The following CDH18 variants were observed in gnomAD, a reference collection of about 807,000 sequenced individuals.
CDH18 encodes the protein cadherin-18.
CDH18 carries 31 observed loss-of-function variants against 67.9 expected under a neutral mutation model. The observed-to-expected ratio is 0.46, with a 90% CI of 0.34 to 0.62. The LOEUF is 0.62. Among genes scored for constraint, CDH18 ranks in the 20% least tolerant of loss-of-function variants. The pLI is 0.01. For synonymous variants in CDH18, 362 were observed against 347.2 expected (o/e 1.04, Z -0.48); for missense variants, 890 against 975.5 (o/e 0.91, Z 1.17).
chr5:19,904,656 C>T (rs575997477), intron 2 of CDH18, among the ~76,000 whole-genome samples: 4 of 152,262 alleles, frequency 2.6e-5, no homozygotes, highest in African/African-American at 4.8e-5. Context: ...TAAATGACTA[C>T]TATATTTGGT....
At chr5:19,651,273 T>C (rs895208257) in intron 5 of CDH18, among the ~76,000 whole-genome samples, 4 of 151,976 alleles carry the variant, frequency 2.6e-5, no homozygotes, top group African/African-American at 9.7e-5. Context: ...ATAAAATAAA[T>C]TTAAAAATTT....
At chr5:20,364,754 T>G (rs1562005760) in intron 1 of CDH18, among the ~76,000 whole-genome samples, 1 of 152,210 alleles carries the variant, frequency 6.6e-6, no homozygotes, top group Non-Finnish European at 1.5e-5. Context: ...GTATTAACAA[T>G]GCACATGCAT....
intron 5 of CDH18, among the ~76,000 whole-genome samples, chr5:19,701,498 G>C (rs550744042): frequency 2.6e-5 from 4 of 152,136 alleles, no homozygotes; most frequent in Non-Finnish European, 5.9e-5. Context: ...GAGGAATTTG[G>C]AGGTATTTAA....
chr5:19,878,660 G>T (rs568244809), intron 2 of CDH18, among the ~76,000 whole-genome samples: 31 of 151,764 alleles, frequency 2.0e-4, no homozygotes, highest in Non-Finnish European at 4.0e-4. Context: ...GTATCACAGA[G>T]GTTTATCTTA....
chr5:20,453,113 C>T (rs1750583553), intron 1 of CDH18, among the ~76,000 whole-genome samples: 1 of 152,206 alleles, frequency 6.6e-6, no homozygotes, highest in Non-Finnish European at 1.5e-5. Context: ...AGCACAGGGG[C>T]CCCTTGCTCA....
At chr5:19,910,688 A>G (rs771061742) in intron 2 of CDH18, among the ~76,000 whole-genome samples, 17 of 152,194 alleles carry the variant, frequency 1.1e-4, no homozygotes, top group Non-Finnish European at 2.2e-4. Flanking sequence ...AAGGCCATAC[A>G]TGATAATCAT....
chr5:20,452,754 C>A (rs1356970381), intron 1 of CDH18, among the ~76,000 whole-genome samples: 1 of 151,852 alleles, frequency 6.6e-6, no homozygotes, highest in African/African-American at 2.4e-5. Context: ...ACCCCTAAAC[C>A]TAAATTAAAA....
chr5:20,195,401 T>G (rs1471524333), intron 2 of CDH18, among the ~76,000 whole-genome samples: 2 of 152,066 alleles, frequency 1.3e-5, no homozygotes, highest in Non-Finnish European at 2.9e-5. Flanking sequence ...TGAATTTGAT[T>G]GTACGGTAAT....
chr5:20,463,302 GA>G (rs140023840), intron 1 of CDH18, among the ~76,000 whole-genome samples: 2,893 of 139,050 alleles, frequency 0.021, 33 homozygotes, highest in African/African-American at 0.025. Context: ...AGTAAAACAA[GA>G]AAAAAAAAAA....
chr5:20,330,378 CAGGT>C (rs1481010871), intron 1 of CDH18, among the ~76,000 whole-genome samples: 1 of 152,052 alleles, frequency 6.6e-6, no homozygotes, highest in Non-Finnish European at 1.5e-5. Flanking sequence ...AGGGGACCAT[CAGGT>C]GATGGTCAGG....
chr5:19,780,806 C>T (rs1453044176), intron 3 of CDH18, among the ~76,000 whole-genome samples: 1 of 151,942 alleles, frequency 6.6e-6, no homozygotes. Flanking sequence ...TTTAATAATG[C>T]CTCCTTACTT....
chr5:19,749,523 GT>G (rs1047952036), intron 3 of CDH18, among the ~76,000 whole-genome samples: 38 of 150,962 alleles, frequency 2.5e-4, no homozygotes, highest in Middle Eastern at 3.9e-3. Context: ...ATGTCACTTA[GT>G]TTTTTTATTA....
intron 12 of CDH18, among the ~76,000 whole-genome samples, chr5:19,481,163 C>T (rs1317749208): frequency 1.3e-5 from 2 of 152,192 alleles, no homozygotes; most frequent in East Asian, 3.9e-4. Context: ...GCTATCTCAT[C>T]CTTATTTAGT....
intron 1 of CDH18, among the ~76,000 whole-genome samples, chr5:20,456,097 T>C (rs897417385): frequency 3.3e-5 from 5 of 152,066 alleles, no homozygotes; most frequent in African/African-American, 1.2e-4. Flanking sequence ...CAACAAGGAG[T>C]ACAACATTCT....
chr5:20,518,726 C>T (rs530093305), intron 1 of CDH18, among the ~76,000 whole-genome samples: 1 of 152,118 alleles, frequency 6.6e-6, no homozygotes, highest in South Asian at 2.1e-4. Context: ...GAGCCAAATC[C>T]CTTACTAAGA....
rs374168873 is a variant in CDH18, at chr5:20,001,001, G to T, written c.-517-8987C>A. Reference sequence around the variant, plus strand: ...TTGCAAAGGTTGGCAAAGTCAAAATGTGGCAACTCCAGGGTAAGGTTTGGT... The same window carrying T: ...TTGCAAAGGTTGGCAAAGTCAAAATTTGGCAACTCCAGGGTAAGGTTTGGT... On this transcript the variant is annotated intron_variant, in intron 2 of 14. Coordinates refer to the CDH18 transcript ENST00000507958. Among the ~76,000 whole-genome samples the T allele has an allele frequency of 4.4e-4, 67 of 152,272 alleles. 1 individual carries two copies. The highest frequency in any genetic ancestry group is 3.4e-3 in the Middle Eastern group (1 of 294).
chr5:20,371,344 C>G (rs1742982274), intron 1 of CDH18, among the ~76,000 whole-genome samples: 1 of 152,074 alleles, frequency 6.6e-6, no homozygotes, highest in Non-Finnish European at 1.5e-5. Flanking sequence ...TACATTTTTC[C>G]TTGTAGAGAT....
At chr5:20,118,283 T>C (rs1041849664) in intron 2 of CDH18, among the ~76,000 whole-genome samples, 3 of 152,176 alleles carry the variant, frequency 2.0e-5, no homozygotes, top group African/African-American at 7.2e-5. Context: ...GAGGTAACTT[T>C]TAAAAATAGG....
At chr5:20,245,697 A>G (rs1023354184) in intron 2 of CDH18, among the ~76,000 whole-genome samples, 2 of 152,068 alleles carry the variant, frequency 1.3e-5, no homozygotes, top group South Asian at 4.1e-4. Flanking sequence ...CCCCTATTAA[A>G]ATACACCATA....
Sources: allele counts gnomAD v4.1 joint callset (sites outside exome capture counted in the v4.1 genomes callset), GRCh38; gene constraint gnomAD v4.1.1; transcripts MANE v1.5; gene names NCBI Gene and HGNC (gene_info 2026-07-23, HGNC 2026-07-21).